The following SMARCC1 variants were observed in gnomAD, a reference collection of about 807,000 sequenced individuals.
SMARCC1 encodes the protein SWI/SNF complex subunit SMARCC1.
In SMARCC1, 43 loss-of-function variants were observed where a neutral mutation model predicts 147.4. The observed-to-expected ratio is 0.29, with a 90% confidence interval of 0.23 to 0.38. SMARCC1 has a LOEUF of 0.38. Among genes scored for constraint, SMARCC1 ranks in the 10% least tolerant of loss-of-function variants. The pLI is 1.00. For synonymous variants in SMARCC1, 495 were observed against 484.4 expected, an observed-to-expected ratio of 1.02 and a Z score of -0.29; for missense variants, 1,119 against 1,381.1, an observed-to-expected ratio of 0.81 and a Z score of 3.01.
chr3:47,772,981 A>C (rs769062500), intron 1 of SMARCC1, 45 bp from the exon 2 acceptor site: 1 of 1,595,926 alleles, frequency 6.3e-7, no homozygotes. Flanking sequence ...CAATTTTTGC[A>C]GGAGAAAATG....
intron 4 of SMARCC1, 49 bp from the exon 5 acceptor site, chr3:47,736,175 T>C: frequency 1.9e-6 from 2 of 1,058,856 alleles, no homozygotes; most frequent in Non-Finnish European, 2.8e-6. Flanking sequence ...TTTGAAATAA[T>C]ATCATATTAT....
intron 24 of SMARCC1, among the ~76,000 whole-genome samples, chr3:47,629,543 G>A (rs1370719693): frequency 1.3e-5 from 2 of 152,158 alleles, no homozygotes; most frequent in Non-Finnish European, 2.9e-5. Context: ...GGGGTTCCAA[G>A]TCATAAGACA....
intron 2 of SMARCC1, among the ~76,000 whole-genome samples, chr3:47,762,863 G>A (rs1247758617): frequency 1.3e-5 from 2 of 152,110 alleles, no homozygotes; most frequent in Non-Finnish European, 2.9e-5. Flanking sequence ...TCAGGAGATC[G>A]AGACCATCCT....
At chr3:47,597,795 G>A (rs1478490381) in intron 26 of SMARCC1, among the ~76,000 whole-genome samples, 2 of 152,186 alleles carry the variant, frequency 1.3e-5, no homozygotes, top group African/African-American at 4.8e-5. Context: ...CCTCGGGATT[G>A]GAGACAGAGC....
At chr3:47,753,280 G>C (rs548051761) in intron 2 of SMARCC1, among the ~76,000 whole-genome samples, 2 of 142,554 alleles carry the variant, frequency 1.4e-5, no homozygotes, top group Non-Finnish European at 3.0e-5. Flanking sequence ...AGCTGAGAAC[G>C]CACCACTGCA....
intron 7 of SMARCC1, among the ~76,000 whole-genome samples, chr3:47,717,934 G>A (rs563165715): frequency 1.1e-4 from 16 of 151,800 alleles, no homozygotes; most frequent in African/African-American, 3.4e-4. Flanking sequence ...ACTTTGAACA[G>A]TTTGAGGCCA....
intron 20 of SMARCC1, among the ~76,000 whole-genome samples, chr3:47,661,815 G>C (rs556365415): frequency 6.6e-6 from 1 of 152,008 alleles, no homozygotes; most frequent in African/African-American, 2.4e-5. Context: ...CCAAGAAAGA[G>C]TTCTATGATG....
chr3:47,600,295 T>G (rs2032362754), intron 26 of SMARCC1, among the ~76,000 whole-genome samples: 1 of 151,768 alleles, frequency 6.6e-6, no homozygotes, highest in Non-Finnish European at 1.5e-5. Context: ...TACCTAAGAG[T>G]GAATGATGTC....
chr3:47,745,995 TA>T lies in SMARCC1; in HGVS notation c.316-3del. The T allele has an allele frequency of 1.3e-6, 2 of 1,559,014 alleles. No individual in the cohort carries two copies. Among genetic ancestry groups the T allele is most frequent in the Non-Finnish European group, 1.7e-6 (2 of 1,155,848 alleles). The stretch of plus-strand genomic sequence containing the variant: ...TTTGAAATCCATGAAACACTTTGCC[TA>T]AAAATGATACAAATTACACATGAGA... On this transcript the variant is annotated splice_region_variant and splice_polypyrimidine_tract_variant and intron_variant, in intron 2 of 27. Transcript: ENST00000254480.
intron 10 of SMARCC1, among the ~76,000 whole-genome samples, chr3:47,705,799 T>A (rs2033984798): frequency 6.6e-6 from 1 of 152,202 alleles, no homozygotes; most frequent in Admixed American, 6.6e-5. Flanking sequence ...TTATGTAACT[T>A]AATATATACC....
chr3:47,600,359 G>C (rs1304424697), intron 26 of SMARCC1, among the ~76,000 whole-genome samples: 5 of 152,192 alleles, frequency 3.3e-5, no homozygotes, highest in Non-Finnish European at 7.3e-5. Context: ...CAGCACTGGT[G>C]TACCTGGGGC....
chr3:47,667,344 G>A (rs1217047981), intron 19 of SMARCC1, among the ~76,000 whole-genome samples: 2 of 151,066 alleles, frequency 1.3e-5, no homozygotes, highest in African/African-American at 4.9e-5. Context: ...GAGAGAGAGA[G>A]AAACTCTTAC....
At chr3:47,706,817 T>C (rs2033999990) in intron 9 of SMARCC1, among the ~76,000 whole-genome samples, 1 of 152,210 alleles carries the variant, frequency 6.6e-6, no homozygotes. Flanking sequence ...ACTGTTCACA[T>C]TCTGTTTTGA....
chr3:47,781,775 C>T lies in SMARCC1; in HGVS notation c.23G>A (p.Gly8Asp), dbSNP rs1246673116. 3.4e-6 allele frequency: 5 copies of T among 1,452,818 alleles called. No individual in the cohort carries two copies. The African/African-American group carries it at 6.0e-5, about 17-fold the overall frequency. 90.0% of individuals were successfully genotyped at this position (1,452,818 alleles called of 1,614,324 possible). MAAAAGG[G>D]GPGTAVGATG... Reference sequence around the variant, plus strand: ...GGCGCCTACCGCTGTCCCCGGCCCGCCGCCGCCCGCCGCTGCGGCCATCGT... The same window carrying T: ...GGCGCCTACCGCTGTCCCCGGCCCGTCGCCGCCCGCCGCTGCGGCCATCGT... The change falls in exon 1 of 28, where the codon GGC becomes GAC. Residue 8 changes from glycine (G) to aspartate (D), a missense_variant. By Grantham distance (94) the Gly-to-Asp change is moderately conservative (BLOSUM62 -1). Transcript: ENST00000254480.
At chr3:47,663,344 CTG>C (rs1451934648) in intron 19 of SMARCC1, among the ~76,000 whole-genome samples, 3 of 151,866 alleles carry the variant, frequency 2.0e-5, no homozygotes, top group African/African-American at 4.8e-5. Flanking sequence ...AGTACTAAAA[CTG>C]AATAGCTGAG....
chr3:47,767,911 C>T (rs1024590490), intron 2 of SMARCC1, among the ~76,000 whole-genome samples: 2 of 151,320 alleles, frequency 1.3e-5, no homozygotes, highest in Non-Finnish European at 2.9e-5. Context: ...TCTCAGCTCA[C>T]TGCAATCTCT....
intron 21 of SMARCC1, among the ~76,000 whole-genome samples, chr3:47,645,826 C>A (rs914717448): frequency 6.6e-5 from 10 of 152,230 alleles, no homozygotes; most frequent in African/African-American, 2.4e-4. Context: ...AATTTGAAAT[C>A]AATTCTTTAA....
At chr3:47,770,352 G>A (rs1221173258) in intron 2 of SMARCC1, among the ~76,000 whole-genome samples, 3 of 152,064 alleles carry the variant, frequency 2.0e-5, no homozygotes, top group Non-Finnish European at 4.4e-5. Flanking sequence ...CAGGCACAGT[G>A]GCTCACACCT....
chr3:47,623,884 A>AT (rs34106939), intron 24 of SMARCC1, among the ~76,000 whole-genome samples: 76,885 of 145,510 alleles, frequency 0.53, 20,641 homozygotes, highest in East Asian at 0.68. Flanking sequence ...TGTTTCTGGT[A>AT]TTTTTTTTTT....
Sources: gnomAD v4.1 joint callset for allele counts (sites outside exome capture counted in the v4.1 genomes callset) on GRCh38, gnomAD v4.1.1 for gene constraint, MANE v1.5 for transcripts, NCBI Gene and HGNC (gene_info 2026-07-23, HGNC 2026-07-21) for gene names.